The following GON4L variants were observed in gnomAD, a reference collection of about 807,000 sequenced individuals.
The protein encoded by GON4L is gon-4 like, also known as GON-4-like protein.
In GON4L, 87 loss-of-function variants were observed where a neutral mutation model predicts 211.8. That is an observed-to-expected ratio of 0.41 (90% CI 0.35 to 0.49). GON4L has a LOEUF of 0.49. GON4L is among the 20% of genes least tolerant of loss of function. GON4L has a pLI of 0.15. For missense variants in GON4L, 2,155 were observed against 2,659.5 expected (o/e 0.81, Z 4.17); for synonymous variants, 875 against 962.6 (o/e 0.91, Z 1.68).
At chr1:155,826,562 G>C (rs902350067) in intron 3 of GON4L, among the ~76,000 whole-genome samples, 1 of 130,696 alleles carries the variant, frequency 7.7e-6, no homozygotes, top group African/African-American at 2.8e-5. Flanking sequence ...ACAAAACTCC[G>C]TCTCAAAAAA....
In GON4L at chr1:155,766,346, T is replaced by C. The variant is rs201231961; in HGVS notation, c.3127A>G (p.Ile1043Val). The change falls in exon 21 of 32, where the codon ATA becomes GTA. Residue 1043 changes from isoleucine (I) to valine (V), a missense_variant. Physicochemically the swap from Ile to Val is conservative, Grantham distance 29. Coordinates refer to ENST00000368331, the MANE Select transcript of GON4L (RefSeq NM_001282860.2). ...SKMVLRIPHP[I>V]QPATVLQTVP... ...GTCTGTAAAACAGTGGCTGGCTGTA[T>C]TGGGTGAGGAATCCGGAGCACCATT... The C allele has an allele frequency of 9.3e-6, 15 of 1,613,910 alleles. No individual in the cohort carries two copies. Among genetic ancestry groups the C allele is most frequent in the Non-Finnish European group, 1.2e-5 (14 of 1,179,988 alleles).
At chr1:155,797,277 G>A (rs1489994048) in intron 11 of GON4L, among the ~76,000 whole-genome samples, 1 of 151,790 alleles carries the variant, frequency 6.6e-6, no homozygotes, top group African/African-American at 2.4e-5. Flanking sequence ...ACCATGCCCA[G>A]CTAATTTTTA....
At chr1:155,805,266 G>A in intron 10 of GON4L, 125 bp from the exon 11 acceptor site, 1 of 704,250 alleles carries the variant, frequency 1.4e-6, no homozygotes, top group Non-Finnish European at 2.5e-6. Flanking sequence ...ATTTATTATT[G>A]TTTGAGAAAC....
chr1:155,834,763 G>C, intron 2 of GON4L, among the ~76,000 whole-genome samples: 1 of 152,188 alleles, frequency 6.6e-6, no homozygotes, highest in South Asian at 2.1e-4. Context: ...TAAAAGGGGA[G>C]GGACTCTCAG....
chr1:155,764,512 TCA>T, intron 21 of GON4L: 1 of 286,618 alleles, frequency 3.5e-6, no homozygotes. Context: ...TGATCTCGGC[TCA>T]CTGCAACCTC....
At chr1:155,851,938 G>A (rs561313337) in intron 2 of GON4L, among the ~76,000 whole-genome samples, 53 of 152,198 alleles carry the variant, frequency 3.5e-4, no homozygotes, top group Non-Finnish European at 6.3e-4. Context: ...GCCAAGGTAC[G>A]TGGATCACCT....
chr1:155,798,321 AT>A (rs1174983946), intron 11 of GON4L, among the ~76,000 whole-genome samples: 14 of 150,028 alleles, frequency 9.3e-5, no homozygotes, highest in African/African-American at 3.4e-4. Flanking sequence ...ATCAGTACAG[AT>A]TCTTTATTTC....
intron 27 of GON4L, among the ~76,000 whole-genome samples, chr1:155,755,298 A>G (rs181690953): frequency 9.3e-4 from 141 of 152,110 alleles, no homozygotes; most frequent in African/African-American, 3.3e-3. Context: ...CGAACTCCTG[A>G]CCTGAAGTAA....
intron 11 of GON4L, among the ~76,000 whole-genome samples, chr1:155,798,934 T>TC (rs1236610882): frequency 6.6e-6 from 1 of 152,148 alleles, no homozygotes; most frequent in East Asian, 1.9e-4. Flanking sequence ...TCTTCTGAGT[T>TC]CTGCTTAGCT....
chr1:155,780,671 C>A (rs1254716886), intron 14 of GON4L, among the ~76,000 whole-genome samples: 2 of 152,252 alleles, frequency 1.3e-5, no homozygotes, highest in East Asian at 1.9e-4. Flanking sequence ...CCCACCCCTA[C>A]CCTCCTGAGA....
chr1:155,771,077 T>C lies in GON4L; in HGVS notation c.2636A>G (p.Asn879Ser). 1 of 1,614,206 alleles carries C rather than the reference T, an allele frequency of 6.2e-7. No homozygotes were observed. The highest frequency in any genetic ancestry group is 8.5e-7 in the Non-Finnish European group (1 of 1,180,018). Residue 879 changes from asparagine to serine, a missense_variant, in exon 19 of 32, where the codon AAC becomes AGC. Physicochemically the swap from Asn to Ser is conservative, Grantham distance 46. This residue lies in a region of GON4L where 551 missense variants were observed against 854.0 expected (regional missense o/e 0.65). Transcript: ENST00000368331. ...KNLNMNRAPDNIIKFYKKTKQ... is the reference protein window; with the variant it reads ...KNLNMNRAPDSIIKFYKKTKQ... Reference sequence around the variant, plus strand: ...GCAGGAAACACTCACTTTAATGATGTTGTCAGGAGCTCTGTTCATGTTGAG... The same window carrying C: ...GCAGGAAACACTCACTTTAATGATGCTGTCAGGAGCTCTGTTCATGTTGAG...
At chr1:155,776,244 C>A in intron 16 of GON4L, 151 bp downstream of exon 16, 2 of 707,370 alleles carry the variant, frequency 2.8e-6, no homozygotes, top group Non-Finnish European at 5.1e-6. Context: ...TCTCAGCAAA[C>A]ACAGGAAGCC....
At chr1:155,851,986 G>A (rs998911094) in intron 2 of GON4L, among the ~76,000 whole-genome samples, 18 of 151,692 alleles carry the variant, frequency 1.2e-4, no homozygotes, top group African/African-American at 4.4e-4. Context: ...CCAACATGGG[G>A]AAACCTCCTC....
chr1:155,764,426 A>ATTTTTTT (rs371568461), intron 21 of GON4L: 12 of 139,552 alleles, frequency 8.6e-5, no homozygotes, highest in African/African-American at 3.2e-4. Context: ...GTTATTTACT[A>ATTTTTTT]TTTTTTTTTT....
intron 12 of GON4L, among the ~76,000 whole-genome samples, chr1:155,793,982 T>C (rs976098432): frequency 2.6e-5 from 4 of 152,170 alleles, no homozygotes; most frequent in African/African-American, 9.6e-5. Context: ...CCAGTCTTGT[T>C]CACTTTACCT....
intron 10 of GON4L, among the ~76,000 whole-genome samples, chr1:155,810,706 CAA>C (rs34418869): frequency 9.5e-4 from 102 of 106,860 alleles, no homozygotes; most frequent in East Asian, 4.2e-3. Context: ...GACTCCGTCT[CAA>C]AAAAAAAAAA....
intron 7 of GON4L, 86 bp from the exon 8 acceptor site, chr1:155,815,986 A>G (rs946097224): frequency 2.3e-5 from 8 of 343,756 alleles, no homozygotes; most frequent in African/African-American, 1.3e-4. Flanking sequence ...AGCAGGGCAG[A>G]AAAAAAAAAA....
At chr1:155,794,992 TAAAC>T in intron 12 of GON4L, 54 bp downstream of exon 12, 1 of 989,830 alleles carries the variant, frequency 1.0e-6, no homozygotes, top group Non-Finnish European at 1.6e-6. Context: ...ATCTACAAAG[TAAAC>T]AAAGACAGCT....
chr1:155,750,742 G>C lies in GON4L; in HGVS notation c.6577-9C>G. ...CGAAAACGGTGGGAAACCTAAGAAA[G>C]GAGGAGGGCTGTATTCACTGGTCTT... On this transcript the variant is annotated splice_polypyrimidine_tract_variant and intron_variant, in intron 31 of 31. Transcript: ENST00000368331. 2 of 1,570,124 alleles carry C rather than the reference G, an allele frequency of 1.3e-6. No individual in the cohort carries two copies. The highest frequency in any genetic ancestry group is 1.7e-6 in the Non-Finnish European group (2 of 1,157,780).
Sources: gnomAD v4.1 joint callset for allele counts (sites outside exome capture counted in the v4.1 genomes callset) on GRCh38, gnomAD v4.1.1 for gene constraint, gnomAD v4.1.1 regional missense constraint, MANE v1.5 for transcripts, NCBI Gene and HGNC (gene_info 2026-07-23, HGNC 2026-07-21) for gene names.